The following GTF2A2 variants were observed in gnomAD, a reference collection of about 807,000 sequenced individuals.
The protein encoded by GTF2A2 is transcription initiation factor IIA subunit 2.
In GTF2A2, 9 loss-of-function variants were observed where a neutral mutation model predicts 14.3. The observed-to-expected ratio is 0.63, with a 90% confidence interval of 0.38 to 1.10. The LOEUF is 1.10. Ranked by LOEUF, GTF2A2 falls within the 50% of genes least tolerant of loss-of-function variation. The pLI, the probability that GTF2A2 is intolerant of heterozygous loss-of-function variation, is 0.01. For synonymous variants in GTF2A2, 56 were observed against 46.0 expected (o/e 1.22, Z -0.88); for missense variants, 90 against 124.6 (o/e 0.72, Z 1.32).
At position 59,639,066 on chromosome 15, in the gene GTF2A2, T is replaced by C. The variant is rs986132163; in HGVS notation, c.*66A>G. 28 of 918,800 alleles carry C rather than the reference T, an allele frequency of 3.0e-5. No homozygotes were observed. In the African/African-American group the frequency reaches 4.0e-4, roughly 13 times the overall value. 56.9% of individuals were successfully genotyped at this position (918,800 alleles called of 1,614,324 possible). A position where few individuals can be genotyped will look rare whatever the true frequency, so the allele number is the denominator to read the frequency against. Reference sequence around the variant, plus strand: ...AATTCTAGAATAAATAAAAAGTCTCTTCTATGCTTCTCTTCAAAAGCAATG... The same window carrying C: ...AATTCTAGAATAAATAAAAAGTCTCCTCTATGCTTCTCTTCAAAAGCAATG... On this transcript the variant is annotated 3_prime_UTR_variant, in exon 5 of 5. Coordinates refer to ENST00000396060, the MANE Select transcript of GTF2A2 (RefSeq NM_004492.3).
At chr15:59,642,327 A>T in intron 3 of GTF2A2, 65 bp from the exon 4 acceptor site, 1 of 1,400,992 alleles carries the variant, frequency 7.1e-7, no homozygotes, top group Non-Finnish European at 9.7e-7. Context: ...TCTCCAAAGC[A>T]ATTTAAGAGA....
intron 3 of GTF2A2, 106 bp from the exon 4 acceptor site, chr15:59,642,368 T>A (rs1261270435): frequency 3.2e-6 from 3 of 939,384 alleles, no homozygotes; most frequent in African/African-American, 3.4e-5. Flanking sequence ...ATAAGTTTAA[T>A]GCTTAGCTTA....
intron 1 of GTF2A2, among the ~76,000 whole-genome samples, chr15:59,654,165 A>T (rs1301565260): frequency 6.6e-6 from 1 of 152,156 alleles, no homozygotes; most frequent in African/African-American, 2.4e-5. Context: ...CAATGGCAGC[A>T]TCCCATCTCA....
intron 1 of GTF2A2, among the ~76,000 whole-genome samples, chr15:59,655,796 C>T (rs546143105): frequency 6.6e-6 from 1 of 152,270 alleles, no homozygotes; most frequent in African/African-American, 2.4e-5. Flanking sequence ...CATACTTCTA[C>T]GAGCTTGGGC....
chr15:59,655,309 T>C (rs1891910161), intron 1 of GTF2A2, among the ~76,000 whole-genome samples: 1 of 152,236 alleles, frequency 6.6e-6, no homozygotes, highest in Admixed American at 6.5e-5. Flanking sequence ...GTTTTGTCTG[T>C]ATTCACTGTC....
Position 59,638,765 on chromosome 15 carries a change from T to TAAGCATTCTGAAAGGGCATC in GTF2A2, c.*347_*366dup. ...CTGACAAAACATGACTTTATTGAAA[T>TAAGCATTCTGAAAGGGCATC]AAGCATTCTGAAAGGGCATCATGTT... On this transcript the variant is annotated 3_prime_UTR_variant, in exon 5 of 5. Transcript: ENST00000396060. 6.0e-6 allele frequency: 1 copy of TAAGCATTCTGAAAGGGCATC among 165,522 alleles called. No homozygotes were observed. Among genetic ancestry groups the TAAGCATTCTGAAAGGGCATC allele is most frequent in the Non-Finnish European group, 1.3e-5 (1 of 77,424 alleles). The allele number at this position is 165,522 out of a possible 1,614,324, so 10.3% of individuals were successfully genotyped here. A position where few individuals can be genotyped will look rare whatever the true frequency, so the allele number is the denominator to read the frequency against.
At chr15:59,646,685 C>A (rs747024046) in intron 3 of GTF2A2, among the ~76,000 whole-genome samples, 7 of 152,064 alleles carry the variant, frequency 4.6e-5, no homozygotes, top group Admixed American at 4.6e-4. Context: ...AAATAAAATG[C>A]TACAAAACTT....
chr15:59,640,659 C>T (rs757378283), intron 4 of GTF2A2, among the ~76,000 whole-genome samples: 12 of 152,120 alleles, frequency 7.9e-5, no homozygotes, highest in Non-Finnish European at 1.5e-4. Flanking sequence ...GTCATTAATT[C>T]ATTTTGATAG....
chr15:59,645,504 T>G (rs1231042358), intron 3 of GTF2A2, among the ~76,000 whole-genome samples: 1 of 152,124 alleles, frequency 6.6e-6, no homozygotes, highest in Non-Finnish European at 1.5e-5. Context: ...AAATGATGCA[T>G]TAGATTTAGC....
At chr15:59,641,341 T>G (rs1891418954) in intron 4 of GTF2A2, among the ~76,000 whole-genome samples, 1 of 152,158 alleles carries the variant, frequency 6.6e-6, no homozygotes, top group Admixed American at 6.5e-5. Flanking sequence ...ATTCTCTACA[T>G]TTTTTCAGTG....
rs1891246013 is a variant in GTF2A2, at chr15:59,638,246, G to GC, written c.*885dup. On this transcript the variant is annotated 3_prime_UTR_variant, in exon 5 of 5. Transcript: ENST00000396060. The stretch of plus-strand genomic sequence containing the variant: ...AATGTGAGAGTCAAGGACTACAGTG[G>GC]CATGCTGAGGTAACAACTGCAGGAG... 1 of 152,082 alleles carries GC rather than the reference G, an allele frequency of 6.6e-6. No individual in the cohort carries two copies. The highest frequency in any genetic ancestry group is 1.5e-5 in the Non-Finnish European group (1 of 68,042). The allele number at this position is 152,082 out of a possible 1,614,324, so 9.4% of individuals were successfully genotyped here.
intron 4 of GTF2A2, 103 bp from the exon 5 acceptor site, chr15:59,639,260 A>C: frequency 1.3e-6 from 1 of 753,140 alleles, no homozygotes; most frequent in Non-Finnish European, 2.4e-6. Flanking sequence ...CAGGACTAAT[A>C]GTGGTGGTGG....
rs1566920818 is a variant in GTF2A2 at position 59,638,573 on chromosome 15, G to GAAAGTTTTTTGGTTTTC, written c.*558_*559insGAAAACCAAAAAACTTT. 2.0e-5 allele frequency: 3 copies of GAAAGTTTTTTGGTTTTC among 151,904 alleles called. No individual in the cohort carries two copies. Among genetic ancestry groups the GAAAGTTTTTTGGTTTTC allele is most frequent in the African/African-American group, 7.3e-5 (3 of 41,338 alleles). 9.4% of individuals were successfully genotyped at this position (151,904 alleles called of 1,614,324 possible). On this transcript the variant is annotated 3_prime_UTR_variant, in exon 5 of 5. Coordinates refer to ENST00000396060, the MANE Select transcript of GTF2A2 (RefSeq NM_004492.3). ...CTAAGAAGGAAAGTTTTTTGGTTTT[G>GAAAGTTTTTTGGTTTTC]TTTTTGCTATGATTGTCTAACTTTT...
intron 2 of GTF2A2, 140 bp downstream of exon 2, chr15:59,652,066 T>A (rs1566934274): frequency 8.6e-6 from 5 of 584,740 alleles, no homozygotes; most frequent in Non-Finnish European, 1.5e-5. Flanking sequence ...GAATTTGAGG[T>A]AATTTAATCA....
intron 3 of GTF2A2, among the ~76,000 whole-genome samples, chr15:59,650,302 A>G (rs1308785978): frequency 6.6e-6 from 1 of 152,210 alleles, no homozygotes; most frequent in East Asian, 1.9e-4. Flanking sequence ...GAACGGGGAA[A>G]GGCCAGACTT....
Position 59,638,820 on chromosome 15 carries a change from T to C in GTF2A2, c.*312A>G. 1 of 251,888 alleles carries C rather than the reference T, an allele frequency of 4.0e-6. No individual in the cohort carries two copies. Among genetic ancestry groups the C allele is most frequent in the South Asian group, 6.5e-5 (1 of 15,378 alleles). The allele number at this position is 251,888 out of a possible 1,614,324, so 15.6% of individuals were successfully genotyped here. On this transcript the variant is annotated 3_prime_UTR_variant, in exon 5 of 5. Coordinates refer to ENST00000396060, the MANE Select transcript of GTF2A2 (RefSeq NM_004492.3). ...GCAAAGGAAATGGGAAAATGCATTA[T>C]CTAATATCTTCATATTGCTACCTTA...
intron 3 of GTF2A2, among the ~76,000 whole-genome samples, chr15:59,648,655 C>T (rs1026105090): frequency 1.3e-5 from 2 of 152,094 alleles, no homozygotes; most frequent in African/African-American, 4.8e-5. Context: ...AAAAAACAGG[C>T]CGGGCGCAGT....
At chr15:59,642,087 T>C (rs758978144) in intron 4 of GTF2A2, 49 bp downstream of exon 4, 1 of 1,540,476 alleles carries the variant, frequency 6.5e-7, no homozygotes, top group South Asian at 1.2e-5. Flanking sequence ...TAAAGGCTCA[T>C]AAAAACAAGG....
At chr15:59,641,607 G>GTATAGTTTTTGAAACAT in intron 4 of GTF2A2, among the ~76,000 whole-genome samples, 1 of 152,280 alleles carries the variant, frequency 6.6e-6, no homozygotes, top group East Asian at 1.9e-4. Context: ...GAAATTAGGT[G>GTATAGTTTTTGAAACAT]TATAGTTTTT....
Sources: gnomAD v4.1 joint callset for allele counts (sites outside exome capture counted in the v4.1 genomes callset) on GRCh38, gnomAD v4.1.1 for gene constraint, MANE v1.5 for transcripts, NCBI Gene and HGNC (gene_info 2026-07-23, HGNC 2026-07-21) for gene names.